Variants in APOOL observed in about 807,000 individuals in gnomAD.
The protein encoded by APOOL is apolipoprotein O like.
Under a neutral mutation model 23.1 loss-of-function variants are expected in APOOL, and 12 were observed. The ratio of observed to expected loss-of-function variants is 0.52; its 90% CI spans 0.33 to 0.84. The LOEUF is 0.84. APOOL is among the 40% of genes least tolerant of loss of function. APOOL has a pLI of 0.02. For missense variants in APOOL, 212 were observed against 199.6 expected (o/e 1.06, Z -0.37); for synonymous variants, 77 against 69.9 (o/e 1.10, Z -0.51).
chrX:85,071,440 G>T (rs1440992853), intron 6 of APOOL, among the ~76,000 whole-genome samples: 2 of 110,619 alleles, frequency 1.8e-5, no homozygotes, highest in African/African-American at 6.6e-5. Flanking sequence ...GGAAAGGATG[G>T]ATTTTTTTTT....
chrX:85,005,148 T>G lies in APOOL; in HGVS notation c.15+1221T>G, dbSNP rs1005715581. Among the ~76,000 whole-genome samples the G allele has an allele frequency of 5.5e-5, 6 of 109,943 alleles. No homozygotes were observed. In the Admixed American group the frequency reaches 5.8e-4, roughly 11 times the overall value. On this transcript the variant is annotated intron_variant, in intron 1 of 8. Transcript: ENST00000373173. ...CTCCCCAGTCTATTTTATTTTATTT[T>G]ATTTTTTATTTTTGAGACGGAGTCT...
At chrX:85,046,775 A>T (rs1175712467) in intron 2 of APOOL, among the ~76,000 whole-genome samples, 1 of 111,828 alleles carries the variant, frequency 8.9e-6, no homozygotes, top group Non-Finnish European at 1.9e-5. Flanking sequence ...TTTCTTAATG[A>T]ATAATCAATA....
At chrX:85,046,161 T>A in intron 1 of APOOL, 1 of 188,303 alleles carries the variant, frequency 5.3e-6, no homozygotes, top group Non-Finnish European at 9.7e-6. Flanking sequence ...TAGTAATTAT[T>A]ACATTGCTAT....
intron 8 of APOOL, 49 bp from the exon 9 acceptor site, chrX:85,087,541 T>C (rs1313586437): frequency 9.2e-7 from 1 of 1,081,194 alleles, no homozygotes; most frequent in Non-Finnish European, 1.3e-6. Flanking sequence ...GTATCAAAAA[T>C]AAATTTGTTA....
intron 1 of APOOL, among the ~76,000 whole-genome samples, chrX:85,029,006 A>G (rs1231591790): frequency 9.0e-6 from 1 of 111,689 alleles, no homozygotes; most frequent in Non-Finnish European, 1.9e-5. Flanking sequence ...GAGTGCAGAT[A>G]TCTGTTGGCT....
chrX:85,077,691 C>A (rs939116959), intron 8 of APOOL, among the ~76,000 whole-genome samples: 4 of 111,788 alleles, frequency 3.6e-5, no homozygotes, highest in African/African-American at 1.3e-4. Flanking sequence ...ACACTCTCTT[C>A]CAGAATGGTT....
rs752255967 is a variant in APOOL at position 85,076,995 on chromosome X, T to TTATATATATATATATATATATA, written c.718+2605_718+2626dup. Among the ~76,000 whole-genome samples the TTATATATATATATATATATATA allele has an allele frequency of 2.4e-3, 196 of 82,392 alleles. 3 individuals carry two copies. Among genetic ancestry groups the TTATATATATATATATATATATA allele is most frequent in the African/African-American group, 9.6e-3 (183 of 19,141 alleles). 71.5% of individuals were successfully genotyped at this position (82,392 alleles called of 115,157 possible). On this transcript the variant is annotated intron_variant, in intron 8 of 8. Coordinates refer to ENST00000373173, the MANE Select transcript of APOOL (RefSeq NM_198450.6). ...TTTTTAGGTGATAAATTTGCTAAAC[T>TTATATATATATATATATATATA]TATATATATATATATATATATACGT...
intron 4 of APOOL, among the ~76,000 whole-genome samples, chrX:85,054,833 T>C (rs922220102): frequency 1.2e-4 from 13 of 111,611 alleles, no homozygotes; most frequent in Non-Finnish European, 2.5e-4. Context: ...ATTAAAAACA[T>C]GTCTCCATTG....
At chrX:85,075,428 T>G (rs191660905) in intron 8 of APOOL, among the ~76,000 whole-genome samples, 2 of 111,233 alleles carry the variant, frequency 1.8e-5, no homozygotes, top group African/African-American at 3.3e-5. Context: ...TGTCTATAGA[T>G]TATCTAATTT....
intron 8 of APOOL, among the ~76,000 whole-genome samples, chrX:85,085,548 G>T (rs981947246): frequency 8.9e-6 from 1 of 111,890 alleles, no homozygotes; most frequent in African/African-American, 3.2e-5. Flanking sequence ...GAAAAGATAG[G>T]TATAAGATAA....
rs1290179350 is a variant in APOOL, at chrX:85,092,659, A to G, written c.*4981A>G. On this transcript the variant is annotated 3_prime_UTR_variant, in exon 9 of 9. Transcript: ENST00000373173. Reference sequence around the variant, plus strand: ...GAAGGTCTACTCTATGCAAGACACTATGTGTGAATAATACTTCCAAATATA... The same window carrying G: ...GAAGGTCTACTCTATGCAAGACACTGTGTGTGAATAATACTTCCAAATATA... 2 of 766,700 alleles carry G rather than the reference A, an allele frequency of 2.6e-6. No homozygotes were observed. The highest frequency in any genetic ancestry group is 6.9e-5 in the East Asian group (2 of 28,913). 63.2% of individuals were successfully genotyped at this position (766,700 alleles called of 1,213,427 possible). A position where few individuals can be genotyped will look rare whatever the true frequency, so the allele number is the denominator to read the frequency against.
intron 1 of APOOL, among the ~76,000 whole-genome samples, chrX:85,045,990 C>T (rs762684563): frequency 1.8e-5 from 2 of 110,954 alleles, no homozygotes; most frequent in East Asian, 5.7e-4. Context: ...TTGCCTGCCT[C>T]CTCTCTACTG....
intron 1 of APOOL, among the ~76,000 whole-genome samples, chrX:85,007,410 G>A (rs1921116793): frequency 9.0e-6 from 1 of 111,077 alleles, no homozygotes; most frequent in South Asian, 3.9e-4. Context: ...TGAAGTGATG[G>A]ACTAGGGTAC....
chrX:85,046,479 A>G lies in APOOL; in HGVS notation c.49A>G (p.Ile17Val), dbSNP rs749453848. Reference sequence around the variant, plus strand: ...ACTGACAACCATGCCTGCAGGTCTGATATATGCATCTGTAAGTGTACATGC... The same window carrying G: ...ACTGACAACCATGCCTGCAGGTCTGGTATATGCATCTGTAAGTGTACATGC... The part of the protein sequence containing the change: ...GKLTTMPAGL[I>V]YASVSVHAAK... The change falls in exon 2 of 9, where the codon ATA becomes GTA. Residue 17 changes from isoleucine (I) to valine (V), a missense_variant. Ile to Val is a conservative substitution (Grantham distance 29, BLOSUM62 3). Transcript: ENST00000373173. 8.3e-7 allele frequency: 1 copy of G among 1,207,833 alleles called. No individual in the cohort carries two copies. Among genetic ancestry groups the G allele is most frequent in the Non-Finnish European group, 1.1e-6 (1 of 894,069 alleles).
intron 1 of APOOL, among the ~76,000 whole-genome samples, chrX:85,006,371 A>G (rs1432028016): frequency 1.8e-5 from 2 of 111,117 alleles, no homozygotes; most frequent in African/African-American, 3.3e-5. Flanking sequence ...TGCTTGCTCC[A>G]GGTCATACAA....
At chrX:85,040,727 G>T (rs1488669343) in intron 1 of APOOL, among the ~76,000 whole-genome samples, 6 of 111,381 alleles carry the variant, frequency 5.4e-5, no homozygotes, top group Admixed American at 9.5e-5. Context: ...CATTTTTTCG[G>T]TTCTTTCTAT....
chrX:85,019,076 T>C (rs1921572075), intron 1 of APOOL, among the ~76,000 whole-genome samples: 1 of 111,280 alleles, frequency 9.0e-6, no homozygotes, highest in South Asian at 3.8e-4. Flanking sequence ...TGGGGGGATA[T>C]TCTAGCCAAG....
rs748338785 is a variant in APOOL, at chrX:85,021,359, C to T, written c.15+17432C>T. The stretch of plus-strand genomic sequence containing the variant: ...ACAGGCTCCAGGCCTGTCTCCACAG[C>T]GCTAGGATCCTGGCCATTTCCAGTG... On this transcript the variant is annotated intron_variant, in intron 1 of 8. Coordinates refer to ENST00000373173, the MANE Select transcript of APOOL (RefSeq NM_198450.6). 1.2e-4 allele frequency among the ~76,000 whole-genome samples: 13 copies of T among 112,012 alleles called. No homozygotes were observed. The South Asian group carries it at 2.6e-3, about 23-fold the overall frequency.
intron 5 of APOOL, among the ~76,000 whole-genome samples, chrX:85,062,957 A>G (rs1209619385): frequency 8.9e-6 from 1 of 111,898 alleles, no homozygotes; most frequent in African/African-American, 3.2e-5. Context: ...ATTGGGCAAC[A>G]TGGCCATTTT....
Sources: gnomAD v4.1 joint callset for allele counts (sites outside exome capture counted in the v4.1 genomes callset) on GRCh38, gnomAD v4.1.1 for gene constraint, MANE v1.5 for transcripts, NCBI Gene and HGNC (gene_info 2026-07-23, HGNC 2026-07-21) for gene names.